The following CPQ variants were observed in gnomAD, a reference collection of about 807,000 sequenced individuals.
The protein encoded by CPQ is carboxypeptidase Q, also known as Ser-Met dipeptidase.
Under a neutral mutation model 45.7 loss-of-function variants are expected in CPQ, and 37 were observed. The ratio of observed to expected loss-of-function variants is 0.81; its 90% CI spans 0.62 to 1.07. CPQ has a LOEUF of 1.07. Ranked by LOEUF, CPQ falls within the 50% of genes least tolerant of loss-of-function variation. The probability of loss-of-function intolerance (pLI) is 0.00; values close to 1 mark genes in which losing one functional copy is unlikely to be tolerated. For synonymous variants in CPQ, 186 were observed against 205.8 expected (o/e 0.90, Z 0.82); for missense variants, 537 against 572.9 (o/e 0.94, Z 0.64).
intron 4 of CPQ, among the ~76,000 whole-genome samples, chr8:96,902,302 T>C (rs1812521580): frequency 6.6e-6 from 1 of 152,212 alleles, no homozygotes; most frequent in African/African-American, 2.4e-5. Context: ...AATATTATTA[T>C]CAAAACTATT....
At chr8:96,655,012 A>AT (rs1280126222) in intron 1 of CPQ, among the ~76,000 whole-genome samples, 1 of 150,532 alleles carries the variant, frequency 6.6e-6, no homozygotes, top group Non-Finnish European at 1.5e-5. Context: ...CTCCTCAATG[A>AT]TTTTTTAATG....
intron 5 of CPQ, among the ~76,000 whole-genome samples, chr8:96,999,034 C>T (rs757730734): frequency 6.6e-6 from 1 of 151,798 alleles, no homozygotes; most frequent in Non-Finnish European, 1.5e-5. Flanking sequence ...CTCACTTAAC[C>T]CTCACAATGT....
intron 7 of CPQ, among the ~76,000 whole-genome samples, chr8:97,094,017 T>A (rs1315798805): frequency 6.6e-6 from 1 of 152,136 alleles, no homozygotes; most frequent in Non-Finnish European, 1.5e-5. Flanking sequence ...TAAGGGCAAA[T>A]AAGTTCCTCC....
At chr8:96,874,616 C>A (rs1437378879) in intron 3 of CPQ, among the ~76,000 whole-genome samples, 1 of 151,808 alleles carries the variant, frequency 6.6e-6, no homozygotes, top group African/African-American at 2.4e-5. Context: ...TGACTAGCTT[C>A]TTTCACTTAG....
At chr8:97,105,635 A>G (rs757767790) in intron 7 of CPQ, among the ~76,000 whole-genome samples, 2 of 152,188 alleles carry the variant, frequency 1.3e-5, no homozygotes, top group Non-Finnish European at 2.9e-5. Context: ...AATCCTTAGT[A>G]TTGTTGCAGT....
At chr8:96,750,697 T>C (rs1810246808) in intron 1 of CPQ, among the ~76,000 whole-genome samples, 1 of 151,924 alleles carries the variant, frequency 6.6e-6, no homozygotes, top group Non-Finnish European at 1.5e-5. Context: ...GGTAAACATG[T>C]GCCATGGTGG....
At chr8:96,696,304 G>C (rs1022962138) in intron 1 of CPQ, among the ~76,000 whole-genome samples, 17 of 151,608 alleles carry the variant, frequency 1.1e-4, no homozygotes, top group Middle Eastern at 3.4e-3. Context: ...GGTGGGGGGA[G>C]TGGGGAGGGA....
chr8:96,782,870 C>G (rs184991012), intron 1 of CPQ, among the ~76,000 whole-genome samples: 1 of 152,320 alleles, frequency 6.6e-6, no homozygotes, highest in East Asian at 1.9e-4. Flanking sequence ...GGCATGGACA[C>G]ACTTTAGCCA....
rs1172189500 is a variant in CPQ at position 96,767,635 on chromosome 8, C to CTTTTTTTTTTTTT, written c.-34-17215_-34-17203dup. 2.8e-3 allele frequency among the ~76,000 whole-genome samples: 110 copies of CTTTTTTTTTTTTT among 39,314 alleles called. 23 individuals carry two copies. Among genetic ancestry groups the CTTTTTTTTTTTTT allele is most frequent in the Non-Finnish European group, 4.3e-3 (99 of 22,874 alleles). The allele number at this position is 39,314 out of a possible 152,430, so 25.8% of individuals were successfully genotyped here. A position where few individuals can be genotyped will look rare whatever the true frequency, so the allele number is the denominator to read the frequency against. On this transcript the variant is annotated intron_variant, in intron 1 of 7. Coordinates refer to ENST00000220763, the MANE Select transcript of CPQ (RefSeq NM_016134.4). ...AATCCCTTTCAGCTGGTTACCTATGCTTTTTTTTTTTTTTTTTTTTTTTTT... is the reference window on the plus strand; with the variant it reads ...AATCCCTTTCAGCTGGTTACCTATGCTTTTTTTTTTTTTTTTTTTTTTTTTTTTTTTTTTTTTT...
intron 6 of CPQ, among the ~76,000 whole-genome samples, chr8:97,038,816 C>A (rs1287138454): frequency 7.0e-5 from 6 of 85,246 alleles, no homozygotes; most frequent in Admixed American, 3.0e-4. Flanking sequence ...TCCAAAAAAA[C>A]CGTATTTACA....
At chr8:97,063,389 T>G (rs375949139) in intron 6 of CPQ, among the ~76,000 whole-genome samples, 54 of 152,308 alleles carry the variant, frequency 3.5e-4, no homozygotes, top group African/African-American at 1.2e-3. Context: ...CTTTGTCAGA[T>G]GCATAGCTTG....
intron 1 of CPQ, among the ~76,000 whole-genome samples, chr8:96,656,617 A>G (rs1815641141): frequency 1.3e-5 from 2 of 152,136 alleles, no homozygotes; most frequent in South Asian, 2.1e-4. Flanking sequence ...GCGTCAGGCA[A>G]TTCCAACCCC....
chr8:97,048,402 T>C (rs1225178308), intron 6 of CPQ, among the ~76,000 whole-genome samples: 1 of 152,322 alleles, frequency 6.6e-6, no homozygotes, highest in East Asian at 1.9e-4. Context: ...GAATTCTGAA[T>C]TGCAAAAGAG....
chr8:96,682,652 G>A (rs1354929038), intron 1 of CPQ, among the ~76,000 whole-genome samples: 1 of 152,092 alleles, frequency 6.6e-6, no homozygotes, highest in African/African-American at 2.4e-5. Context: ...GTTTGGAATT[G>A]TTATATTCTC....
intron 1 of CPQ, among the ~76,000 whole-genome samples, chr8:96,724,561 T>C (rs1203574645): frequency 6.6e-6 from 1 of 151,576 alleles, no homozygotes; most frequent in African/African-American, 2.4e-5. Context: ...AGGTGAAAGA[T>C]CTCTATAAGG....
chr8:97,089,165 C>A (rs1353572229), intron 7 of CPQ, among the ~76,000 whole-genome samples: 1 of 151,492 alleles, frequency 6.6e-6, no homozygotes, highest in South Asian at 2.1e-4. Context: ...ATCACCTGAA[C>A]CCGGGAGGCG....
intron 7 of CPQ, among the ~76,000 whole-genome samples, chr8:97,070,295 C>T (rs1810717656): frequency 6.6e-6 from 1 of 152,078 alleles, no homozygotes; most frequent in South Asian, 2.1e-4. Flanking sequence ...AAGTCTTTGT[C>T]CCACAACCTG....
At chr8:96,896,281 T>C (rs551480154) in intron 4 of CPQ, among the ~76,000 whole-genome samples, 18 of 152,274 alleles carry the variant, frequency 1.2e-4, no homozygotes, top group Non-Finnish European at 2.6e-4. Context: ...CAACACTCTA[T>C]TTTAAAAAGG....
At chr8:96,694,713 G>A (rs921143273) in intron 1 of CPQ, among the ~76,000 whole-genome samples, 4 of 151,936 alleles carry the variant, frequency 2.6e-5, no homozygotes, top group Non-Finnish European at 5.9e-5. Context: ...AAAAAAAATT[G>A]AAGCAAATAA....
Sources: allele counts gnomAD v4.1 joint callset (sites outside exome capture counted in the v4.1 genomes callset), GRCh38; gene constraint gnomAD v4.1.1; transcripts MANE v1.5; gene names NCBI Gene and HGNC (gene_info 2026-07-23, HGNC 2026-07-21).